Variants in CASK observed in about 807,000 individuals in gnomAD.
CASK encodes the protein calcium/calmodulin dependent serine protein kinase, also known as peripheral plasma membrane protein CASK.
A neutral mutation model predicts 82.9 loss-of-function variants in CASK; 4 were observed. The ratio of observed to expected loss-of-function variants is 0.05; its 90% CI spans 0.02 to 0.11. The LOEUF (loss-of-function observed/expected upper bound fraction) is 0.11. Among genes scored for constraint, CASK ranks in the 10% least tolerant of loss-of-function variants. The pLI is 1.00. For synonymous variants in CASK, 259 were observed against 253.5 expected (o/e 1.02, Z -0.20); for missense variants, 358 against 720.9 (o/e 0.50, Z 5.76).
chrX:41,749,272 A>G (rs781224912), intron 3 of CASK, among the ~76,000 whole-genome samples: 2 of 107,042 alleles, frequency 1.9e-5, no homozygotes, highest in Non-Finnish European at 3.9e-5. Context: ...TGACAGAGCG[A>G]GACTCCATCT....
chrX:41,655,630 C>A (rs190846899), intron 8 of CASK, among the ~76,000 whole-genome samples: 1 of 111,191 alleles, frequency 9.0e-6, no homozygotes, highest in Non-Finnish European at 1.9e-5. Context: ...AGCCTCTTTT[C>A]CCCTAGGACT....
At chrX:41,695,776 T>G in intron 5 of CASK, 3 of 1,210,545 alleles carry the variant, frequency 2.5e-6, no homozygotes, top group Non-Finnish European at 3.4e-6. Flanking sequence ...ACCTGTCCCA[T>G]GGATGAAAAA....
chrX:41,900,549 T>C (rs1435275862), intron 1 of CASK, among the ~76,000 whole-genome samples: 1 of 108,899 alleles, frequency 9.2e-6, no homozygotes, highest in Non-Finnish European at 1.9e-5. Context: ...TTCTGTGGAA[T>C]TTTTCAGTTC....
At chrX:41,692,238 A>T (rs1405362604) in intron 5 of CASK, among the ~76,000 whole-genome samples, 1 of 112,388 alleles carries the variant, frequency 8.9e-6, no homozygotes, top group Non-Finnish European at 1.9e-5. Flanking sequence ...ACTGCACATT[A>T]AAATCCCCTA....
chrX:41,840,465 G>A (rs907952031), intron 2 of CASK, among the ~76,000 whole-genome samples: 18 of 112,240 alleles, frequency 1.6e-4, no homozygotes, highest in African/African-American at 5.2e-4. Flanking sequence ...TGTTCCAGGA[G>A]TTTGTTGTTG....
chrX:41,776,874 G>A (rs1337968321), intron 3 of CASK, among the ~76,000 whole-genome samples: 3 of 112,218 alleles, frequency 2.7e-5, no homozygotes, highest in Admixed American at 9.5e-5. Flanking sequence ...TTGCTATCAA[G>A]ATTTGATATA....
chrX:41,900,137 T>A (rs977306797), intron 1 of CASK, among the ~76,000 whole-genome samples: 2 of 110,531 alleles, frequency 1.8e-5, no homozygotes, highest in African/African-American at 6.6e-5. Flanking sequence ...ACTGATAGTC[T>A]TATAGAGGTT....
At chrX:41,535,376 T>C (rs1196920638) in intron 22 of CASK, among the ~76,000 whole-genome samples, 2 of 111,239 alleles carry the variant, frequency 1.8e-5, no homozygotes, top group African/African-American at 6.5e-5. Context: ...CCAACATGAA[T>C]ATAGCATGAA....
intron 9 of CASK, among the ~76,000 whole-genome samples, chrX:41,627,861 C>T (rs975681473): frequency 1.8e-5 from 2 of 111,345 alleles, no homozygotes; most frequent in South Asian, 3.8e-4. Context: ...AAAATTAGCC[C>T]GGCATGGTGG....
At chrX:41,744,368 C>T (rs182517198) in intron 4 of CASK, among the ~76,000 whole-genome samples, 26 of 102,602 alleles carry the variant, frequency 2.5e-4, no homozygotes, top group Admixed American at 4.2e-4. Context: ...TTTTTTGAGA[C>T]GGAGTCTCGC....
chrX:41,911,770 T>A (rs919043024), intron 1 of CASK, among the ~76,000 whole-genome samples: 1 of 110,718 alleles, frequency 9.0e-6, no homozygotes, highest in Non-Finnish European at 1.9e-5. Flanking sequence ...ATCTTGGGAG[T>A]TTTTCACAAC....
chrX:41,645,103 T>C (rs2066733577), intron 8 of CASK, among the ~76,000 whole-genome samples: 1 of 111,141 alleles, frequency 9.0e-6, no homozygotes, highest in Non-Finnish European at 1.9e-5. Flanking sequence ...TTGAAAATCC[T>C]TAATAAAAAC....
chrX:41,854,217 GGCGC>G (rs760436631), intron 1 of CASK, among the ~76,000 whole-genome samples: 202 of 52,632 alleles, frequency 3.8e-3, no homozygotes, highest in African/African-American at 0.014. Flanking sequence ...CGCGCGCGCG[GGCGC>G]GCGCACACAC....
intron 1 of CASK, among the ~76,000 whole-genome samples, chrX:41,918,475 C>A (rs1288357551): frequency 8.9e-6 from 1 of 112,119 alleles, no homozygotes; most frequent in Non-Finnish European, 1.9e-5. Context: ...TAAATTTCTT[C>A]ATATTAAATC....
intron 12 of CASK, among the ~76,000 whole-genome samples, chrX:41,592,239 A>T (rs1409325015): frequency 5.5e-5 from 6 of 109,732 alleles, no homozygotes; most frequent in Non-Finnish European, 9.5e-5. Flanking sequence ...AAAAAAAAAA[A>T]TCTCAAACCT....
chrX:41,854,220 GCGCGCACACA>G (rs1403016575), intron 1 of CASK, among the ~76,000 whole-genome samples: 9 of 55,748 alleles, frequency 1.6e-4, no homozygotes, highest in African/African-American at 4.4e-4. Flanking sequence ...GCGCGCGGGC[GCGCGCACACA>G]CACACACACA....
chrX:41,833,530 G>A (rs2070868041), intron 2 of CASK, among the ~76,000 whole-genome samples: 1 of 110,884 alleles, frequency 9.0e-6, no homozygotes, highest in South Asian at 3.8e-4. Context: ...TTTCTTTTGG[G>A]GGAGATGAAA....
intron 5 of CASK, chrX:41,727,787 T>A (rs770662429): frequency 8.3e-7 from 1 of 1,206,436 alleles, no homozygotes; most frequent in Non-Finnish European, 1.1e-6. Flanking sequence ...CTTTTGGTCA[T>A]CCAGATTCTA....
intron 4 of CASK, among the ~76,000 whole-genome samples, chrX:41,740,553 A>C (rs1371582565): frequency 8.9e-6 from 1 of 111,903 alleles, no homozygotes; most frequent in East Asian, 2.8e-4. Flanking sequence ...GATACCATTT[A>C]ATCAAGCTCA....
Sources: allele counts gnomAD v4.1 joint callset (sites outside exome capture counted in the v4.1 genomes callset), GRCh38; gene constraint gnomAD v4.1.1; transcripts MANE v1.5; gene names NCBI Gene and HGNC (gene_info 2026-07-23, HGNC 2026-07-21).